SERGEF: variants seen among roughly 807,000 people sequenced by gnomAD.
SERGEF encodes secretion regulating guanine nucleotide exchange factor.
In SERGEF, 51 loss-of-function variants were observed where a neutral mutation model predicts 50.0. That is an observed-to-expected ratio of 1.02 (90% CI 0.81 to 1.29). The LOEUF (loss-of-function observed/expected upper bound fraction) is 1.29. SERGEF is among the 50% of genes most tolerant of loss of function. The pLI is 0.00. For synonymous variants in SERGEF, 205 were observed against 212.4 expected (o/e 0.97, Z 0.30); for missense variants, 521 against 557.0 (o/e 0.94, Z 0.65).
At chr11:17,847,088 C>T (rs1441514249) in intron 10 of SERGEF, among the ~76,000 whole-genome samples, 1 of 152,246 alleles carries the variant, frequency 6.6e-6, no homozygotes, top group Non-Finnish European at 1.5e-5. Flanking sequence ...GTTCCTTTAT[C>T]AGGCAGCACC....
chr11:17,851,674 G>T (rs1319447609), intron 10 of SERGEF, among the ~76,000 whole-genome samples: 1 of 152,202 alleles, frequency 6.6e-6, no homozygotes, highest in Non-Finnish European at 1.5e-5. Context: ...TTTAAAAGTT[G>T]GAGAGTTAAA....
At chr11:17,840,443 C>T (rs548416067) in intron 10 of SERGEF, among the ~76,000 whole-genome samples, 3 of 152,288 alleles carry the variant, frequency 2.0e-5, no homozygotes, top group African/African-American at 7.2e-5. Flanking sequence ...GCCCGCCAGT[C>T]CAGCTCTCCT....
intron 8 of SERGEF, among the ~76,000 whole-genome samples, chr11:17,961,918 C>G (rs1259391395): frequency 1.3e-5 from 2 of 152,190 alleles, no homozygotes; most frequent in African/African-American, 2.4e-5. Context: ...CTGACCTCTT[C>G]CCAGGTACCC....
At chr11:17,788,636 T>C (rs1301017228) in intron 10 of SERGEF, among the ~76,000 whole-genome samples, 1 of 152,092 alleles carries the variant, frequency 6.6e-6, no homozygotes, top group East Asian at 1.9e-4. Context: ...ACAAAACTCA[T>C]GACTGCTCAT....
At chr11:17,875,775 T>C (rs1380818916) in intron 10 of SERGEF, among the ~76,000 whole-genome samples, 1 of 152,236 alleles carries the variant, frequency 6.6e-6, no homozygotes, top group Non-Finnish European at 1.5e-5. Flanking sequence ...CATCAGACAT[T>C]AAGGTTGCTT....
intron 9 of SERGEF, among the ~76,000 whole-genome samples, chr11:17,889,047 A>T (rs2133908689): frequency 6.6e-6 from 1 of 152,346 alleles, no homozygotes; most frequent in Admixed American, 6.5e-5. Flanking sequence ...CAATAGATAG[A>T]TAGGGAAGCA....
chr11:17,956,393 G>A (rs1450266613), intron 9 of SERGEF, among the ~76,000 whole-genome samples: 1 of 152,218 alleles, frequency 6.6e-6, no homozygotes, highest in African/African-American at 2.4e-5. Context: ...TACCTATTGT[G>A]TGATCAGTAG....
At chr11:17,910,678 T>A (rs1055848088) in intron 9 of SERGEF, among the ~76,000 whole-genome samples, 4 of 152,036 alleles carry the variant, frequency 2.6e-5, no homozygotes, top group African/African-American at 9.7e-5. Flanking sequence ...GAAAACCAAC[T>A]ATATGCCCAG....
chr11:17,971,155 C>A (rs1404708935), intron 8 of SERGEF, among the ~76,000 whole-genome samples: 1 of 152,076 alleles, frequency 6.6e-6, no homozygotes, highest in East Asian at 1.9e-4. Context: ...GATCACACCA[C>A]TGCACTCCAG....
intron 10 of SERGEF, among the ~76,000 whole-genome samples, chr11:17,791,436 A>G (rs773098321): frequency 6.6e-6 from 1 of 152,230 alleles, no homozygotes; most frequent in Non-Finnish European, 1.5e-5. Flanking sequence ...CAAGTTTTTA[A>G]TAGTATTATA....
chr11:17,818,290 G>A (rs1360270285), intron 10 of SERGEF, among the ~76,000 whole-genome samples: 1 of 152,080 alleles, frequency 6.6e-6, no homozygotes, highest in East Asian at 1.9e-4. Flanking sequence ...TAATCTCTAA[G>A]AGTTTCAATT....
chr11:17,795,034 G>A (rs907179842), intron 10 of SERGEF, among the ~76,000 whole-genome samples: 8 of 152,206 alleles, frequency 5.3e-5, no homozygotes, highest in Non-Finnish European at 1.0e-4. Context: ...ATTAGGTAGC[G>A]AATGGTCCAT....
chr11:17,830,646 G>GAA (rs1850284085), intron 10 of SERGEF, among the ~76,000 whole-genome samples: 1 of 77,392 alleles, frequency 1.3e-5, no homozygotes, highest in Non-Finnish European at 2.3e-5. Context: ...GAGGGAGAGG[G>GAA]AGGGAGAGAG....
chr11:17,832,848 G>A (rs1199330549), intron 10 of SERGEF, among the ~76,000 whole-genome samples: 1 of 152,172 alleles, frequency 6.6e-6, no homozygotes, highest in Admixed American at 6.5e-5. Flanking sequence ...ATGATTTAGG[G>A]TATCTGGCGG....
At position 18,007,406 on chromosome 11, in the gene SERGEF, G is replaced by A. The variant is rs551635614; in HGVS notation, c.196+535C>T. ...TCAGAAACTGTGGCTATTTGCCCAA[G>A]GCCACATAGATAATAAGTCACAGAA... On this transcript the variant is annotated intron_variant, in intron 2 of 10. Coordinates refer to ENST00000265965, the MANE Select transcript of SERGEF (RefSeq NM_012139.4). Among the ~76,000 whole-genome samples the A allele has an allele frequency of 2.6e-5, 4 of 152,234 alleles. No homozygotes were observed. The East Asian group carries it at 7.7e-4, about 29-fold the overall frequency.
chr11:17,788,278 T>TGGCAGAG lies in SERGEF; in HGVS notation c.1183_1184insCTCTGCC (p.His395ProfsTer34). 6.2e-7 allele frequency: 1 copy of TGGCAGAG among 1,613,236 alleles called. No homozygotes were observed. The highest frequency in any genetic ancestry group is 8.5e-7 in the Non-Finnish European group (1 of 1,179,770). On this transcript the variant is annotated frameshift_variant, in exon 11 of 11. Coordinates refer to ENST00000265965, the MANE Select transcript of SERGEF (RefSeq NM_012139.4). LOFTEE classifies it low-confidence loss of function (END_TRUNC). ...TGGCAGCTGGCAGAGGGCCAAGGAGTGGCCAGCCCCACAGCCCACAAGGAG... is the reference window on the plus strand; with the variant it reads ...TGGCAGCTGGCAGAGGGCCAAGGAGTGGCAGAGGGCCAGCCCCACAGCCCACAAGGAG...
chr11:17,995,594 G>A lies in SERGEF; in HGVS notation c.622+202C>T, dbSNP rs558712863. Among the ~76,000 whole-genome samples, 5 of 152,206 alleles carry A rather than the reference G, an allele frequency of 3.3e-5. No individual in the cohort carries two copies. The East Asian group carries it at 9.7e-4, about 29-fold the overall frequency. On this transcript the variant is annotated intron_variant, in intron 6 of 10. Coordinates refer to ENST00000265965, the MANE Select transcript of SERGEF (RefSeq NM_012139.4). ...CCTGACTTGCATCTATGCCTCAATCGGTTCCAAACTCTGGCAGCAAAGAGG... is the reference window on the plus strand; with the variant it reads ...CCTGACTTGCATCTATGCCTCAATCAGTTCCAAACTCTGGCAGCAAAGAGG...
intron 10 of SERGEF, among the ~76,000 whole-genome samples, chr11:17,793,215 C>T (rs1244031129): frequency 6.6e-6 from 1 of 152,032 alleles, no homozygotes; most frequent in African/African-American, 2.4e-5. Flanking sequence ...CAGTGGCAAA[C>T]AGCAAAGAGG....
At chr11:17,799,741 C>T (rs548232482) in intron 10 of SERGEF, among the ~76,000 whole-genome samples, 28 of 152,336 alleles carry the variant, frequency 1.8e-4, no homozygotes, top group Non-Finnish European at 3.4e-4. Flanking sequence ...CACATGGGGA[C>T]GGATGACACA....
Sources: gnomAD v4.1 joint callset for allele counts (sites outside exome capture counted in the v4.1 genomes callset) on GRCh38, gnomAD v4.1.1 for gene constraint, MANE v1.5 for transcripts, NCBI Gene and HGNC (gene_info 2026-07-23, HGNC 2026-07-21) for gene names.